Variants in MARCHF1 observed in about 807,000 individuals in gnomAD.
MARCHF1 encodes the protein membrane associated ring-CH-type finger 1.
Under a neutral mutation model 54.2 loss-of-function variants are expected in MARCHF1, and 40 were observed. The ratio of observed to expected loss-of-function variants is 0.74; its 90% CI spans 0.57 to 0.96. The LOEUF is 0.96. Among genes scored for constraint, MARCHF1 ranks in the 40% least tolerant of loss-of-function variants. MARCHF1 has a pLI of 0.00. For synonymous variants in MARCHF1, 236 were observed against 236.3 expected (o/e 1.00, Z 0.01); for missense variants, 586 against 656.5 (o/e 0.89, Z 1.17).
chr4:163,583,110 G>A (rs1740282581), intron 8 of MARCHF1, among the ~76,000 whole-genome samples: 2 of 152,192 alleles, frequency 1.3e-5, no homozygotes, highest in Non-Finnish European at 2.9e-5. Flanking sequence ...GTACACAGAT[G>A]AGTGGAGATG....
chr4:164,289,312 T>G (rs962676339), intron 1 of MARCHF1, among the ~76,000 whole-genome samples: 1 of 152,034 alleles, frequency 6.6e-6, no homozygotes, highest in African/African-American at 2.4e-5. Flanking sequence ...ATCACTGACA[T>G]AGTCTTAGCA....
chr4:164,085,677 T>C (rs1350117261), intron 2 of MARCHF1, among the ~76,000 whole-genome samples: 1 of 151,840 alleles, frequency 6.6e-6, no homozygotes. Context: ...AAATAAAGCA[T>C]GGTTATCGCA....
chr4:163,964,369 C>T (rs1752400752), intron 3 of MARCHF1, among the ~76,000 whole-genome samples: 1 of 151,900 alleles, frequency 6.6e-6, no homozygotes, highest in African/African-American at 2.4e-5. Context: ...ACTTAATAAA[C>T]TCAATGTGAG....
intron 5 of MARCHF1, chr4:163,613,620 A>C: frequency 7.0e-7 from 1 of 1,428,688 alleles, no homozygotes; most frequent in Non-Finnish European, 9.1e-7. Context: ...CTGTTACTTC[A>C]TTTACGAGAG....
At chr4:163,785,296 T>G (rs1747584778) in intron 4 of MARCHF1, among the ~76,000 whole-genome samples, 1 of 152,114 alleles carries the variant, frequency 6.6e-6, no homozygotes, top group Admixed American at 6.6e-5. Flanking sequence ...TTTTGCAATT[T>G]GAAATTTTCT....
intron 3 of MARCHF1, among the ~76,000 whole-genome samples, chr4:163,978,145 T>C (rs1207170696): frequency 1.3e-5 from 2 of 152,202 alleles, no homozygotes; most frequent in East Asian, 1.9e-4. Flanking sequence ...ATTTCACTTA[T>C]CTAAGGCAAA....
chr4:163,932,583 G>A (rs1160804222), intron 3 of MARCHF1: 2 of 378,500 alleles, frequency 5.3e-6, no homozygotes, highest in African/African-American at 4.2e-5. Context: ...TGATGACATG[G>A]GTACCTGCAT....
intron 9 of MARCHF1, among the ~76,000 whole-genome samples, chr4:163,543,477 T>C (rs1358903268): frequency 1.3e-5 from 2 of 151,698 alleles, no homozygotes; most frequent in African/African-American, 2.4e-5. Flanking sequence ...GATTATGCAT[T>C]GCGACACGCT....
At chr4:164,175,652 T>A (rs1206526268) in intron 1 of MARCHF1, among the ~76,000 whole-genome samples, 16 of 152,178 alleles carry the variant, frequency 1.1e-4, no homozygotes. Flanking sequence ...TCTAATCGAT[T>A]GAAGGCCTTA....
chr4:164,145,297 A>G (rs1259970837), intron 1 of MARCHF1, among the ~76,000 whole-genome samples: 1 of 152,162 alleles, frequency 6.6e-6, no homozygotes, highest in Non-Finnish European at 1.5e-5. Flanking sequence ...ATAGAAAAAG[A>G]GGGAATCCTC....
intron 3 of MARCHF1, among the ~76,000 whole-genome samples, chr4:163,874,937 G>GA (rs1168419379): frequency 6.6e-6 from 1 of 151,928 alleles, no homozygotes; most frequent in African/African-American, 2.4e-5. Context: ...AAATTTATAG[G>GA]AAAAAAACAC....
Position 164,033,176 on chromosome 4 carries a change from G to GA in MARCHF1, c.-247-44468dup, listed in dbSNP as rs893008974. Among the ~76,000 whole-genome samples the GA allele has an allele frequency of 3.3e-3, 421 of 127,820 alleles. 2 individuals carry two copies. The highest frequency in any genetic ancestry group is 6.1e-3 in the South Asian group (24 of 3,944). The allele number at this position is 127,820 out of a possible 152,430, so 83.9% of individuals were successfully genotyped here. On this transcript the variant is annotated intron_variant, in intron 2 of 9. Transcript: ENST00000514618. ...ATGACAGAGCAAGACTCCATCTCGG[G>GA]AAAAAAAAAAAAAAAGAAAAGGTGC...
chr4:164,123,083 T>G (rs1481154087), intron 1 of MARCHF1, among the ~76,000 whole-genome samples: 1 of 152,172 alleles, frequency 6.6e-6, no homozygotes, highest in African/African-American at 2.4e-5. Flanking sequence ...ACAAGAAAAC[T>G]ATTAGAACTC....
intron 4 of MARCHF1, among the ~76,000 whole-genome samples, chr4:163,732,719 C>T (rs113515430): frequency 3.2e-4 from 48 of 152,178 alleles, no homozygotes; most frequent in African/African-American, 1.1e-3. Flanking sequence ...AACAGTTTTA[C>T]AGTAACAAAA....
intron 3 of MARCHF1, among the ~76,000 whole-genome samples, chr4:163,865,191 G>A (rs1185023797): frequency 6.6e-6 from 1 of 151,898 alleles, no homozygotes; most frequent in African/African-American, 2.4e-5. Context: ...AACTATGAGT[G>A]TATAAGAAGG....
chr4:163,745,236 C>T (rs1330184250), intron 4 of MARCHF1, among the ~76,000 whole-genome samples: 1 of 150,566 alleles, frequency 6.6e-6, no homozygotes, highest in Non-Finnish European at 1.5e-5. Flanking sequence ...TTCAGCCCCC[C>T]GAGTAGCTGG....
chr4:163,820,994 T>C (rs1324951628), intron 4 of MARCHF1, among the ~76,000 whole-genome samples: 1 of 152,086 alleles, frequency 6.6e-6, no homozygotes, highest in Non-Finnish European at 1.5e-5. Flanking sequence ...AAAAGTAAGC[T>C]TGTTAACTTC....
chr4:163,803,497 T>C (rs950453104), intron 4 of MARCHF1, among the ~76,000 whole-genome samples: 1 of 149,118 alleles, frequency 6.7e-6, no homozygotes, highest in Non-Finnish European at 1.5e-5. Flanking sequence ...CGGAGTATAC[T>C]CATTCACCAT....
chr4:164,347,610 C>T (rs970752339), intron 1 of MARCHF1, among the ~76,000 whole-genome samples: 1 of 152,128 alleles, frequency 6.6e-6, no homozygotes, highest in Admixed American at 6.6e-5. Context: ...CACCGTGCTG[C>T]CATTTTTTAG....
Sources: allele counts gnomAD v4.1 joint callset (sites outside exome capture counted in the v4.1 genomes callset), GRCh38; gene constraint gnomAD v4.1.1; transcripts MANE v1.5; gene names NCBI Gene and HGNC (gene_info 2026-07-23, HGNC 2026-07-21).